NEK7: variants seen among roughly 807,000 people sequenced by gnomAD.
NEK7 encodes NIMA related kinase 7.
Under a neutral mutation model 44.6 loss-of-function variants are expected in NEK7, and 18 were observed. That is an observed-to-expected ratio of 0.40 (90% CI 0.28 to 0.60). NEK7 has a LOEUF of 0.60. Among genes scored for constraint, NEK7 ranks in the 20% least tolerant of loss-of-function variants. The probability of loss-of-function intolerance (pLI) is 0.38; values close to 1 mark genes in which losing one functional copy is unlikely to be tolerated. For missense variants in NEK7, 256 were observed against 366.5 expected (o/e 0.70, Z 2.46); for synonymous variants, 130 against 121.1 (o/e 1.07, Z -0.48).
chr1:198,317,877 A>ATTTTTG (rs537862004), intron 9 of NEK7, among the ~76,000 whole-genome samples: 4,040 of 70,184 alleles, frequency 0.058, 301 homozygotes, highest in East Asian at 0.15. Context: ...GGATATATTT[A>ATTTTTG]TTTTTTTTTT....
At chr1:198,215,442 C>A (rs1665891036) in intron 1 of NEK7, among the ~76,000 whole-genome samples, 1 of 152,152 alleles carries the variant, frequency 6.6e-6, no homozygotes, top group African/African-American at 2.4e-5. Flanking sequence ...AACACAAATT[C>A]TTAAACTTTC....
At chr1:198,299,189 T>C (rs974992190) in intron 9 of NEK7, among the ~76,000 whole-genome samples, 2 of 152,232 alleles carry the variant, frequency 1.3e-5, no homozygotes, top group African/African-American at 4.8e-5. Context: ...AGTTTCTAGG[T>C]AAATGTGGAA....
intron 1 of NEK7, among the ~76,000 whole-genome samples, chr1:198,176,579 T>C (rs905983802): frequency 1.5e-5 from 1 of 65,796 alleles, no homozygotes; most frequent in African/African-American, 6.3e-5. Flanking sequence ...GATTTTCATC[T>C]TAGATTTATC....
intron 1 of NEK7, among the ~76,000 whole-genome samples, chr1:198,229,242 T>A (rs919048982): frequency 6.6e-6 from 1 of 152,178 alleles, no homozygotes; most frequent in Non-Finnish European, 1.5e-5. Flanking sequence ...CTGAACACAT[T>A]GGAGGTTCCT....
intron 2 of NEK7, 21 bp downstream of exon 2, chr1:198,232,658 T>C (rs1666431715): frequency 7.0e-7 from 1 of 1,425,480 alleles, no homozygotes; most frequent in Non-Finnish European, 9.9e-7. Flanking sequence ...CTAATTAAGA[T>C]GGGCAGAACT....
intron 2 of NEK7, among the ~76,000 whole-genome samples, chr1:198,252,808 C>G (rs529541486): frequency 2.0e-5 from 3 of 151,670 alleles, no homozygotes; most frequent in Non-Finnish European, 4.4e-5. Context: ...TTATTCCCCT[C>G]ACTAGAATGT....
intron 9 of NEK7, among the ~76,000 whole-genome samples, chr1:198,313,654 G>T (rs1337800292): frequency 4.1e-4 from 56 of 136,484 alleles, no homozygotes; most frequent in Admixed American, 6.1e-4. Context: ...AAATCTCTCA[G>T]CATTTGCTTG....
chr1:198,199,380 GA>G (rs1665349568), intron 1 of NEK7, among the ~76,000 whole-genome samples: 1 of 152,156 alleles, frequency 6.6e-6, no homozygotes, highest in Admixed American at 6.5e-5. Context: ...CTTGGGGAAT[GA>G]ATGCCTTAGT....
At chr1:198,302,847 AC>A (rs1654929358) in intron 9 of NEK7, among the ~76,000 whole-genome samples, 1 of 152,048 alleles carries the variant, frequency 6.6e-6, no homozygotes, top group African/African-American at 2.4e-5. Flanking sequence ...ACTGGACATC[AC>A]AGTGGTACCT....
intron 1 of NEK7, among the ~76,000 whole-genome samples, chr1:198,163,347 T>C (rs972560133): frequency 6.6e-6 from 1 of 151,830 alleles, no homozygotes; most frequent in Non-Finnish European, 1.5e-5. Flanking sequence ...TTAAAAAAAA[T>C]TAGTTGGGCT....
chr1:198,163,453 G>T (rs1468519223), intron 1 of NEK7, among the ~76,000 whole-genome samples: 1 of 151,918 alleles, frequency 6.6e-6, no homozygotes, highest in Non-Finnish European at 1.5e-5. Context: ...TTTCGAGGCT[G>T]CAGTGAGCTG....
intron 1 of NEK7, among the ~76,000 whole-genome samples, chr1:198,188,846 A>G (rs889503154): frequency 5.3e-5 from 8 of 152,266 alleles, no homozygotes; most frequent in Non-Finnish European, 7.4e-5. Context: ...AGGCCAGGAA[A>G]GTTGATCATC....
chr1:198,233,201 G>C (rs1048123989), intron 2 of NEK7, among the ~76,000 whole-genome samples: 6 of 151,850 alleles, frequency 4.0e-5, no homozygotes, highest in African/African-American at 7.3e-5. Context: ...TGCCTTCCAT[G>C]ATGGTGACTT....
chr1:198,261,198 T>G (rs1453422299), intron 3 of NEK7, among the ~76,000 whole-genome samples: 1 of 152,000 alleles, frequency 6.6e-6, no homozygotes, highest in Non-Finnish European at 1.5e-5. Context: ...TACTACACTT[T>G]GTACACACAT....
At chr1:198,283,869 G>A (rs1370137995) in intron 7 of NEK7, among the ~76,000 whole-genome samples, 2 of 152,142 alleles carry the variant, frequency 1.3e-5, no homozygotes, top group East Asian at 3.9e-4. Context: ...TTCACAACTC[G>A]TTAATGGGTT....
At chr1:198,303,556 T>A (rs1654945681) in intron 9 of NEK7, among the ~76,000 whole-genome samples, 1 of 152,138 alleles carries the variant, frequency 6.6e-6, no homozygotes. Context: ...AAATTAAGTT[T>A]ATAAAACTTT....
At chr1:198,163,266 G>A (rs935485852) in intron 1 of NEK7, among the ~76,000 whole-genome samples, 1 of 152,114 alleles carries the variant, frequency 6.6e-6, no homozygotes, top group Non-Finnish European at 1.5e-5. Flanking sequence ...GCCAAGGTGG[G>A]AAGATTGCTT....
At chr1:198,255,200 C>T (rs753508468) in intron 3 of NEK7, among the ~76,000 whole-genome samples, 1 of 152,086 alleles carries the variant, frequency 6.6e-6, no homozygotes, top group East Asian at 1.9e-4. Flanking sequence ...GAATTTGAAC[C>T]GTAGGCAATT....
intron 7 of NEK7, among the ~76,000 whole-genome samples, chr1:198,284,290 A>AT (rs549971568): frequency 2.0e-5 from 3 of 152,144 alleles, no homozygotes; most frequent in Admixed American, 6.5e-5. Flanking sequence ...TCCTTGTGAC[A>AT]TTTTTTCTTT....
Sources: allele counts gnomAD v4.1 joint callset (sites outside exome capture counted in the v4.1 genomes callset), GRCh38; gene constraint gnomAD v4.1.1; transcripts MANE v1.5; gene names NCBI Gene and HGNC (gene_info 2026-07-23, HGNC 2026-07-21).